ABCB4: variants seen among roughly 807,000 people sequenced by gnomAD.
The protein encoded by ABCB4 is ATP binding cassette subfamily B member 4.
Under a neutral mutation model 145.7 loss-of-function variants are expected in ABCB4, and 76 were observed. The observed-to-expected ratio is 0.52, with a 90% CI of 0.43 to 0.63. ABCB4 has a LOEUF of 0.63. ABCB4 is among the 30% of genes least tolerant of loss of function. ABCB4 has a pLI of 0.00. For missense variants in ABCB4, 1,234 were observed against 1,553.1 expected (o/e 0.79, Z 3.45); for synonymous variants, 517 against 566.8 (o/e 0.91, Z 1.25).
At chr7:87,469,264 A>G (rs1278930407) in intron 3 of ABCB4, among the ~76,000 whole-genome samples, 1 of 152,230 alleles carries the variant, frequency 6.6e-6, no homozygotes, top group Non-Finnish European at 1.5e-5. Context: ...CATAGCCAAT[A>G]TCATACTGAA....
chr7:87,439,981 G>T, intron 13 of ABCB4, 144 bp from the exon 14 acceptor site: 1 of 1,291,158 alleles, frequency 7.7e-7, no homozygotes, highest in Non-Finnish European at 1.1e-6. Flanking sequence ...AATGAATTCT[G>T]AATTATAAAA....
intron 4 of ABCB4, among the ~76,000 whole-genome samples, chr7:87,457,137 C>G (rs188399930): frequency 6.6e-6 from 1 of 152,120 alleles, no homozygotes; most frequent in Admixed American, 6.6e-5. Context: ...AAGTGCCCCC[C>G]GCCAGGCCCG....
chr7:87,441,800 A>C (rs1811010068), intron 12 of ABCB4, among the ~76,000 whole-genome samples: 1 of 152,154 alleles, frequency 6.6e-6, no homozygotes, highest in African/African-American at 2.4e-5. Context: ...GATTCTCATT[A>C]GTTGCCCAGG....
In ABCB4 at chr7:87,433,665, AATTGTTG is replaced by A. The variant is rs1431661460; in HGVS notation, c.1732-2107_1732-2101del. ...GCCAAAGTAGAGCTTTGACACAAAA[AATTGTTG>A]TTGTTTTTTTTTTTTTTTTTTTCAG... On this transcript the variant is annotated intron_variant, in intron 14 of 27. Coordinates refer to ENST00000649586, the MANE Select transcript of ABCB4 (RefSeq NM_000443.4). 8.8e-4 allele frequency among the ~76,000 whole-genome samples: 126 copies of A among 143,308 alleles called. 1 individual carries two copies. The highest frequency in any genetic ancestry group is 3.1e-3 in the African/African-American group (121 of 39,410). 94.0% of individuals were successfully genotyped at this position (143,308 alleles called of 152,430 possible).
At chr7:87,465,603 T>A (rs1291722082) in intron 3 of ABCB4, among the ~76,000 whole-genome samples, 1 of 152,142 alleles carries the variant, frequency 6.6e-6, no homozygotes, top group Non-Finnish European at 1.5e-5. Context: ...GACTGCCTTC[T>A]CAAGTGGGTC....
intron 3 of ABCB4, among the ~76,000 whole-genome samples, chr7:87,467,754 C>T (rs1813027609): frequency 6.6e-6 from 1 of 152,196 alleles, no homozygotes; most frequent in Admixed American, 6.5e-5. Context: ...CTCAAAACCG[C>T]TCAACTACAT....
In ABCB4 at chr7:87,422,220, A is replaced by C. The variant is rs143456575; in HGVS notation, c.2217T>G (p.Phe739Leu). The stretch of plus-strand genomic sequence containing the variant: ...GCTTCACTGCATCATCGCCTGGTCC[A>C]AAAATCTACAAAAGAATATTTAAAA... ...SVIFSEIIAI[F>L]GPGDDAVKQQ... The change falls in exon 18 of 28, where the codon TTT becomes TTG. Residue 739 changes from phenylalanine (F) to leucine (L), a missense_variant. By Grantham distance (22) the Phe-to-Leu change is conservative. Coordinates refer to ENST00000649586, the MANE Select transcript of ABCB4 (RefSeq NM_000443.4). The C allele has an allele frequency of 5.0e-6, 8 of 1,611,212 alleles. No homozygotes were observed. In the African/African-American group the frequency reaches 9.4e-5, roughly 19 times the overall value.
chr7:87,447,329 G>T (rs1045227808), intron 8 of ABCB4, 124 bp from the exon 9 acceptor site: 2 of 879,990 alleles, frequency 2.3e-6, no homozygotes, highest in Non-Finnish European at 3.5e-6. Flanking sequence ...TGAACCCATG[G>T]TGAGACCCAG....
chr7:87,420,661 T>A (rs535180530), intron 18 of ABCB4, among the ~76,000 whole-genome samples: 1 of 152,350 alleles, frequency 6.6e-6, no homozygotes. Context: ...ATTATTTGTA[T>A]GTTAACTATT....
the ABCB4 span, among the ~76,000 whole-genome samples, chr7:87,383,817 A>G: frequency 6.6e-6 from 1 of 151,984 alleles, no homozygotes; most frequent in Non-Finnish European, 1.5e-5. Context: ...TTATCCATAC[A>G]TCTGCTGGAC....
At chr7:87,393,450 A>C in the ABCB4 span, among the ~76,000 whole-genome samples, 3 of 152,214 alleles carry the variant, frequency 2.0e-5, no homozygotes, top group Admixed American at 2.0e-4. Context: ...GATAGAGAAA[A>C]GAGATTGGGT....
the ABCB4 span, chr7:87,382,375 G>T: frequency 1.2e-6 from 2 of 1,600,076 alleles, no homozygotes; most frequent in Admixed American, 1.7e-5. Context: ...TTCTCCTTAG[G>T]TGATTTTTCA....
intron 18 of ABCB4, among the ~76,000 whole-genome samples, chr7:87,421,522 A>G (rs538430601): frequency 2.0e-5 from 3 of 152,334 alleles, no homozygotes; most frequent in African/African-American, 7.2e-5. Flanking sequence ...AACAATAATA[A>G]AAGAGAAGCA....
intron 1 of ABCB4, 51 bp downstream of exon 1, chr7:87,475,583 C>T: frequency 9.5e-7 from 1 of 1,050,960 alleles, no homozygotes. Flanking sequence ...CGCCCCGCGC[C>T]CCACGTCCCG....
chr7:87,410,289 G>A (rs947781936), intron 23 of ABCB4, among the ~76,000 whole-genome samples: 3 of 152,060 alleles, frequency 2.0e-5, no homozygotes, highest in African/African-American at 7.2e-5. Flanking sequence ...TAATAATGGA[G>A]AACTTTAAGT....
intron 16 of ABCB4, among the ~76,000 whole-genome samples, chr7:87,425,357 A>G (rs1809733336): frequency 6.6e-6 from 1 of 152,224 alleles, no homozygotes; most frequent in Non-Finnish European, 1.5e-5. Context: ...GGATAATTTC[A>G]TAGCCAAAAG....
At chr7:87,439,875 T>C in intron 13 of ABCB4, 38 bp from the exon 14 acceptor site, 3 of 1,613,696 alleles carry the variant, frequency 1.9e-6, no homozygotes, top group Non-Finnish European at 2.5e-6. Context: ...TGAAGTAACT[T>C]AAATTTAAAA....
At chr7:87,432,460 A>C (rs575942233) in intron 14 of ABCB4, among the ~76,000 whole-genome samples, 1 of 152,232 alleles carries the variant, frequency 6.6e-6, no homozygotes, top group Admixed American at 6.5e-5. Flanking sequence ...ATAGGCAAAA[A>C]GTGGAAACAA....
At chr7:87,377,496 A>T in the ABCB4 span, 1 of 1,082,710 alleles carries the variant, frequency 9.2e-7, no homozygotes, top group Non-Finnish European at 1.4e-6. Flanking sequence ...TTTAGGTTAA[A>T]TTAATGACAA....
Sources: gnomAD v4.1 joint callset for allele counts (sites outside exome capture counted in the v4.1 genomes callset) on GRCh38, gnomAD v4.1.1 for gene constraint, MANE v1.5 for transcripts, NCBI Gene and HGNC (gene_info 2026-07-23, HGNC 2026-07-21) for gene names.